Variants in CEP97 observed in about 807,000 individuals in gnomAD.
The protein encoded by CEP97 is centrosomal protein 97.
Under a neutral mutation model 73.1 loss-of-function variants are expected in CEP97, and 43 were observed. The observed-to-expected ratio is 0.59, with a 90% confidence interval of 0.46 to 0.76. The LOEUF (loss-of-function observed/expected upper bound fraction) is 0.76, where lower values mean the gene tolerates loss of function less well. Ranked by LOEUF, CEP97 falls within the 30% of genes least tolerant of loss-of-function variation. The pLI is 0.00. For missense variants in CEP97, 939 were observed against 1,014.0 expected (o/e 0.93, Z 1.00); for synonymous variants, 337 against 370.0 (o/e 0.91, Z 1.02).
intron 6 of CEP97, among the ~76,000 whole-genome samples, chr3:101,739,096 T>C (rs1014309875): frequency 6.6e-6 from 1 of 152,074 alleles, no homozygotes; most frequent in Non-Finnish European, 1.5e-5. Flanking sequence ...TCTGGACACA[T>C]ACACCCACCC....
rs764649414 is a variant in CEP97, at chr3:101,764,910, G to A, written c.1957G>A (p.Val653Ile). 2 of 1,613,998 alleles carry A rather than the reference G, an allele frequency of 1.2e-6. No individual in the cohort carries two copies. The highest frequency in any genetic ancestry group is 2.7e-5 in the African/African-American group (2 of 74,926). The change falls in exon 11 of 11, where the codon GTT (valine) becomes ATT (isoleucine). Residue 653 changes from valine to isoleucine, a missense_variant. Val to Ile is a conservative substitution (Grantham distance 29, BLOSUM62 3). Coordinates refer to ENST00000341893, the MANE Select transcript of CEP97 (RefSeq NM_024548.4). ...DQRLSSWHTD[V>I]PPISSTLVPS... is the part of the protein sequence containing the mutation. Reference sequence around the variant, plus strand: ...GCGTCTAAGTTCCTGGCATACTGATGTTCCTCCTATATCAAGTACTCTTGT... The same window carrying A: ...GCGTCTAAGTTCCTGGCATACTGATATTCCTCCTATATCAAGTACTCTTGT...
At chr3:101,728,267 T>G (rs1240383964) in intron 3 of CEP97, among the ~76,000 whole-genome samples, 7 of 151,516 alleles carry the variant, frequency 4.6e-5, no homozygotes, top group Non-Finnish European at 7.4e-5. Context: ...CTTTTGTTTT[T>G]TTTTTTTTTT....
At chr3:101,732,090 A>G (rs1004534975) in intron 5 of CEP97, 137 bp downstream of exon 5, 2 of 631,582 alleles carry the variant, frequency 3.2e-6, no homozygotes, top group Non-Finnish European at 2.8e-6. Context: ...TTGGCTCTAG[A>G]TCTTTCCACT....
At chr3:101,743,130 C>T (rs1327034868) in intron 6 of CEP97, among the ~76,000 whole-genome samples, 1 of 151,732 alleles carries the variant, frequency 6.6e-6, no homozygotes, top group East Asian at 1.9e-4. Flanking sequence ...CCTGTAGTCC[C>T]AGCTACTCAG....
rs1460103675 is a variant in CEP97 at position 101,727,508 on chromosome 3, G to C, written c.312G>C (p.Leu104=). 3.1e-6 allele frequency: 5 copies of C among 1,611,638 alleles called. No individual in the cohort carries two copies. The highest frequency in any genetic ancestry group is 4.2e-6 in the Non-Finnish European group (5 of 1,178,984). The change falls in exon 3 of 11, where the codon CTG becomes CTC. Residue 104 remains leucine (L), a synonymous_variant. Coordinates refer to ENST00000341893, the MANE Select transcript of CEP97 (RefSeq NM_024548.4). The part of the protein sequence containing the change: ...CVEGLKELVH[L]EWLNLAGNNL... ...AAGGGCTAAAGGAACTAGTACATCT[G>C]GAATGGCTGAATTTGGCAGGAAATA...
intron 9 of CEP97, 132 bp from the exon 10 acceptor site, chr3:101,762,353 A>G (rs1939195603): frequency 2.1e-6 from 1 of 465,724 alleles, no homozygotes; most frequent in African/African-American, 2.0e-5. Flanking sequence ...TTTAATTTAG[A>G]TATTCTAAAA....
At chr3:101,732,717 A>T in intron 6 of CEP97, 63 bp downstream of exon 6, 1 of 1,372,972 alleles carries the variant, frequency 7.3e-7, no homozygotes, top group Non-Finnish European at 1.0e-6. Flanking sequence ...TTTACTACAG[A>T]TTAATAGAGT....
chr3:101,734,762 C>T (rs1938221963), intron 6 of CEP97, among the ~76,000 whole-genome samples: 1 of 152,160 alleles, frequency 6.6e-6, no homozygotes, highest in South Asian at 2.1e-4. Context: ...CTTGGATAAT[C>T]CTCTGTACAG....
rs1488367903 is a variant in CEP97 at position 101,765,767 on chromosome 3, A to C, written c.*216A>C. 1 of 487,200 alleles carries C rather than the reference A, an allele frequency of 2.1e-6. No individual in the cohort carries two copies. Among genetic ancestry groups the C allele is most frequent in the African/African-American group, 2.0e-5 (1 of 51,092 alleles). 30.2% of individuals were successfully genotyped at this position (487,200 alleles called of 1,614,324 possible). On this transcript the variant is annotated 3_prime_UTR_variant, in exon 11 of 11. Transcript: ENST00000341893. ...TTACTTAGCTGTAAGGTACCAAACT[A>C]TTTATATTGAAAGCTATATGCACTT...
rs768980886 is a variant in CEP97 at position 101,758,097 on chromosome 3, T to C, written c.1491T>C (p.Asp497=). ...TAATCAGTGCTATCTTGAAGGATGATAACCACAGTCTTACATTTTTTCCTG... is the reference window on the plus strand; with the variant it reads ...TAATCAGTGCTATCTTGAAGGATGACAACCACAGTCTTACATTTTTTCCTG... ...PTIISAILKD[D]NHSLTFFPES... Residue 497 remains aspartate, a synonymous_variant, in exon 9 of 11, where the codon GAT becomes GAC. Coordinates refer to ENST00000341893, the MANE Select transcript of CEP97 (RefSeq NM_024548.4). The C allele has an allele frequency of 1.9e-6, 3 of 1,614,118 alleles. No individual in the cohort carries two copies. The African/African-American group carries it at 4.0e-5, about 22-fold the overall frequency.
At chr3:101,763,186 A>T in intron 10 of CEP97, 2 of 1,262,456 alleles carry the variant, frequency 1.6e-6, no homozygotes, top group Non-Finnish European at 2.0e-6. Flanking sequence ...AGCCTCCCAA[A>T]GTGAGCCACA....
At chr3:101,735,014 C>T (rs11914318) in intron 6 of CEP97, among the ~76,000 whole-genome samples, 47,960 of 151,966 alleles carry the variant, frequency 0.32, 7,790 homozygotes, top group Non-Finnish European at 0.35. Flanking sequence ...ATGTGAATAG[C>T]GGTACTACCT....
At position 101,769,828 on chromosome 3, in the gene CEP97, A is replaced by T. The variant is rs779809162; in HGVS notation, c.*4277A>T. On this transcript the variant is annotated 3_prime_UTR_variant, in exon 11 of 11. Transcript: ENST00000341893. ...TTAATGATATTGCTTTTACTGATCA[A>T]GCTTGTTGTGCCATATTAAAATTAA... 6.6e-6 allele frequency: 1 copy of T among 152,204 alleles called. No individual in the cohort carries two copies. The highest frequency in any genetic ancestry group is 1.5e-5 in the Non-Finnish European group (1 of 68,038). 9.4% of individuals were successfully genotyped at this position (152,204 alleles called of 1,614,324 possible).
At chr3:101,752,355 A>G (rs1938856594) in intron 6 of CEP97, among the ~76,000 whole-genome samples, 1 of 152,088 alleles carries the variant, frequency 6.6e-6, no homozygotes, top group Admixed American at 6.6e-5. Flanking sequence ...ACTTTGGTGA[A>G]TCTGACAATT....
chr3:101,727,055 T>C lies in CEP97; in HGVS notation c.186+319T>C, dbSNP rs1937914794. On this transcript the variant is annotated intron_variant, in intron 2 of 10. Transcript: ENST00000341893. Reference sequence around the variant, plus strand: ...AGAAATGGTTACTGCGTCCCTCTTATATGTCTGGCACTGTATTAAGTTTTG... The same window carrying C: ...AGAAATGGTTACTGCGTCCCTCTTACATGTCTGGCACTGTATTAAGTTTTG... Among the ~76,000 whole-genome samples, 2 of 152,228 alleles carry C rather than the reference T, an allele frequency of 1.3e-5. 1 individual carries two copies. Among genetic ancestry groups the C allele is most frequent in the South Asian group, 4.1e-4 (2 of 4,834 alleles).
Position 101,758,680 on chromosome 3 carries a change from C to A in CEP97, c.1817+257C>A, listed in dbSNP as rs541939511. ...GTAATAAATGTTCAATGAACGTGAG[C>A]TTTATAGGGATCTATAATTCTAAAC... is the stretch of plus-strand genomic sequence containing the variant. On this transcript the variant is annotated intron_variant, in intron 9 of 10. Transcript: ENST00000341893. The A allele has an allele frequency of 1.6e-5, 7 of 430,338 alleles. No homozygotes were observed. The East Asian group carries it at 2.8e-4, about 17-fold the overall frequency. The allele number at this position is 430,338 out of a possible 1,614,324, so 26.7% of individuals were successfully genotyped here.
intron 1 of CEP97, 90 bp downstream of exon 1, chr3:101,724,809 G>T: frequency 3.7e-6 from 5 of 1,344,186 alleles, no homozygotes; most frequent in South Asian, 1.2e-5. Flanking sequence ...TAGATGTGCA[G>T]TTCTGGACCA....
At chr3:101,727,097 C>T (rs116324533) in intron 2 of CEP97, among the ~76,000 whole-genome samples, 70 of 152,296 alleles carry the variant, frequency 4.6e-4, no homozygotes, top group African/African-American at 1.6e-3. Context: ...AGTTTAACAG[C>T]ACTATTCTTG....
At position 101,758,220 on chromosome 3, in the gene CEP97, C is replaced by T. The variant is rs1208291959; in HGVS notation, c.1614C>T (p.Pro538=). The change falls in exon 9 of 11, where the codon CCC becomes CCT. Residue 538 remains proline (P), a synonymous_variant. Transcript: ENST00000341893. The part of the protein sequence containing the change: ...TISQATSEKL[P]MILTQRSVAL... ...CTCAAGCAACTTCAGAGAAACTTCC[C>T]ATGATTTTAACCCAGAGATCTGTTG... The T allele has an allele frequency of 1.2e-6, 2 of 1,614,146 alleles. No individual in the cohort carries two copies. The highest frequency in any genetic ancestry group is 1.7e-6 in the Non-Finnish European group (2 of 1,180,024).
Sources: gnomAD v4.1 joint callset for allele counts (sites outside exome capture counted in the v4.1 genomes callset) on GRCh38, gnomAD v4.1.1 for gene constraint, MANE v1.5 for transcripts, NCBI Gene and HGNC (gene_info 2026-07-23, HGNC 2026-07-21) for gene names.